USP9X: variants seen among roughly 807,000 people sequenced by gnomAD.
USP9X encodes the protein ubiquitin carboxyl-terminal hydrolase 9X.
Under a neutral mutation model 190.3 loss-of-function variants are expected in USP9X, and 7 were observed. That is an observed-to-expected ratio of 0.04 (90% CI 0.02 to 0.07). The LOEUF (loss-of-function observed/expected upper bound fraction) is 0.07. USP9X is among the 10% of genes least tolerant of loss of function. The pLI is 1.00. For synonymous variants in USP9X, 645 were observed against 659.5 expected (o/e 0.98, Z 0.34); for missense variants, 1,010 against 1,916.9 (o/e 0.53, Z 8.83).
At chrX:41,121,524 C>T (rs1044227662) in intron 1 of USP9X, among the ~76,000 whole-genome samples, 2 of 111,615 alleles carry the variant, frequency 1.8e-5, no homozygotes, top group African/African-American at 6.5e-5. Context: ...AAGCAAGCCC[C>T]CAGGTAAGTT....
At chrX:41,228,649 C>T (rs780618658) in intron 41 of USP9X, among the ~76,000 whole-genome samples, 3 of 111,917 alleles carry the variant, frequency 2.7e-5, no homozygotes, top group Non-Finnish European at 5.6e-5. Flanking sequence ...GTTTGCATTA[C>T]TCTCGAGTGT....
At chrX:41,152,088 A>G (rs910739163) in intron 13 of USP9X, among the ~76,000 whole-genome samples, 3 of 112,628 alleles carry the variant, frequency 2.7e-5, no homozygotes, top group Non-Finnish European at 5.6e-5. Context: ...CTCAGACAGA[A>G]ATAGAAAAGG....
At chrX:41,218,082 C>G (rs902566305) in intron 36 of USP9X, among the ~76,000 whole-genome samples, 1 of 112,096 alleles carries the variant, frequency 8.9e-6, no homozygotes, top group Non-Finnish European at 1.9e-5. Context: ...TTTACTTACT[C>G]ATTTCAGGAA....
chrX:41,183,273 A>T (rs2062844378), intron 21 of USP9X, among the ~76,000 whole-genome samples: 2 of 86,841 alleles, frequency 2.3e-5, no homozygotes, highest in Admixed American at 2.3e-4. Context: ...GCTTTTACTT[A>T]AAAAAAAAAA....
rs1004710692 is a variant in USP9X, at chrX:41,170,248, A to G, written c.2877+13A>G. 3.4e-6 allele frequency: 4 copies of G among 1,192,921 alleles called. No individual in the cohort carries two copies. Among genetic ancestry groups the G allele is most frequent in the Non-Finnish European group, 3.4e-6 (3 of 884,211 alleles). ...AAAAGATAAATCGGTATGTATGTAT[A>G]GTTAACAGATTTTTCAATAAAATCA... On this transcript the variant is annotated intron_variant, in intron 19 of 44. Transcript: ENST00000378308.
At chrX:41,223,048 C>T (rs1464850914) in intron 38 of USP9X, among the ~76,000 whole-genome samples, 169 bp from the exon 39 acceptor site, 1 of 112,195 alleles carries the variant, frequency 8.9e-6, no homozygotes, top group Admixed American at 9.4e-5. Flanking sequence ...TCTCTGAATG[C>T]TAAGTAAAAG....
chrX:41,170,751 C>A, intron 20 of USP9X, 132 bp downstream of exon 20: 1 of 611,120 alleles, frequency 1.6e-6, no homozygotes. Flanking sequence ...TACAGTTAAC[C>A]ACCAACTTCA....
intron 14 of USP9X, among the ~76,000 whole-genome samples, chrX:41,161,248 A>G (rs374056153): frequency 9.3e-6 from 1 of 108,056 alleles, no homozygotes; most frequent in East Asian, 2.9e-4. Flanking sequence ...TATTTTTTAC[A>G]TGTGTGGCAA....
intron 26 of USP9X, among the ~76,000 whole-genome samples, chrX:41,193,143 G>A (rs1009603526): frequency 7.2e-5 from 8 of 110,975 alleles, no homozygotes; most frequent in Non-Finnish European, 1.3e-4. Context: ...AGGCGGTAGG[G>A]GACGGGGACA....
chrX:41,186,941 C>G (rs1233431009), intron 24 of USP9X, among the ~76,000 whole-genome samples: 2 of 109,760 alleles, frequency 1.8e-5, no homozygotes, highest in East Asian at 5.7e-4. Context: ...ATTATTCTGC[C>G]TCAGCCTCCA....
chrX:41,205,860 T>TTTTTTTC (rs2063087762), intron 32 of USP9X, among the ~76,000 whole-genome samples: 1 of 104,598 alleles, frequency 9.6e-6, no homozygotes, highest in Non-Finnish European at 2.0e-5. Flanking sequence ...TAACCTATTT[T>TTTTTTTC]TTTTTTCTTT....
chrX:41,089,516 CTCAGGGTGA>C (rs2061937649), intron 1 of USP9X, among the ~76,000 whole-genome samples: 1 of 111,721 alleles, frequency 9.0e-6, no homozygotes, highest in African/African-American at 3.3e-5. Context: ...TTCCAGCGTG[CTCAGGGTGA>C]TAGTTTAGTT....
intron 15 of USP9X, among the ~76,000 whole-genome samples, chrX:41,163,974 A>G (rs1309545135): frequency 2.7e-5 from 3 of 110,682 alleles, no homozygotes; most frequent in Non-Finnish European, 5.7e-5. Context: ...CCTCCCAGGT[A>G]CAATTCTCCT....
At chrX:41,091,997 T>C (rs2061958059) in intron 1 of USP9X, among the ~76,000 whole-genome samples, 1 of 111,944 alleles carries the variant, frequency 8.9e-6, no homozygotes, top group Non-Finnish European at 1.9e-5. Context: ...AATGGGAAAA[T>C]CTGGGGCAGT....
rs2063338734 is a variant in USP9X at position 41,229,004 on chromosome X, TGAGGCAGGAGAGAGGCGTGAACCTGG to T, written c.7062-239_7062-214del. The T allele has an allele frequency of 1.8e-5, 4 of 220,516 alleles. No homozygotes were observed. In the East Asian group the frequency reaches 3.2e-4, roughly 18 times the overall value. 18.2% of individuals were successfully genotyped at this position (220,516 alleles called of 1,213,427 possible). A position where few individuals can be genotyped will look rare whatever the true frequency, so the allele number is the denominator to read the frequency against. ...TGGTGGCACGTGCCTGTAGTTGGGC[TGAGGCAGGAGAGAGGCGTGAACCTGG>T]GAGGCAGGACTTGAAGTAAGCCGAG... On this transcript the variant is annotated intron_variant, in intron 41 of 44. Coordinates refer to ENST00000378308, the MANE Select transcript of USP9X (RefSeq NM_001039591.3).
At chrX:41,175,266 A>G (rs985235542) in intron 21 of USP9X, among the ~76,000 whole-genome samples, 2 of 111,548 alleles carry the variant, frequency 1.8e-5, no homozygotes, top group African/African-American at 6.5e-5. Context: ...CACGCCTATA[A>G]TCCTAACACT....
chrX:41,092,896 G>T (rs1382003019), intron 1 of USP9X, among the ~76,000 whole-genome samples: 1 of 110,406 alleles, frequency 9.1e-6, no homozygotes, highest in African/African-American at 3.3e-5. Flanking sequence ...TTTTTAAGAG[G>T]AGGGGTCTCG....
intron 1 of USP9X, among the ~76,000 whole-genome samples, chrX:41,091,250 G>A (rs1021734876): frequency 2.7e-5 from 3 of 111,506 alleles, no homozygotes; most frequent in African/African-American, 9.8e-5. Context: ...GTTTTCTCCA[G>A]TGAGCCCAAA....
In USP9X at chrX:41,141,086, A is replaced by T; in HGVS notation, c.891A>T (p.Glu297Asp). The T allele has an allele frequency of 8.3e-7, 1 of 1,207,671 alleles. No individual in the cohort carries two copies. The highest frequency in any genetic ancestry group is 1.1e-6 in the Non-Finnish European group (1 of 893,270). Residue 297 changes from glutamate (E) to aspartate (D), a missense_variant, in exon 8 of 45, where the codon GAA becomes GAT. By Grantham distance (45) the Glu-to-Asp change is conservative (BLOSUM62 2). Transcript: ENST00000378308. ...ENLTDEELKK[E>D]AKNEAKNDAL... is the part of the protein sequence containing the mutation. ...TAACTGATGAAGAACTGAAAAAAGAAGCAAAGAATGAAGCCAAAAATGATG... is the reference window on the plus strand; with the variant it reads ...TAACTGATGAAGAACTGAAAAAAGATGCAAAGAATGAAGCCAAAAATGATG...
Sources: gnomAD v4.1 joint callset for allele counts (sites outside exome capture counted in the v4.1 genomes callset) on GRCh38, gnomAD v4.1.1 for gene constraint, MANE v1.5 for transcripts, NCBI Gene and HGNC (gene_info 2026-07-23, HGNC 2026-07-21) for gene names.